TMEM132D: variants seen among roughly 807,000 people sequenced by gnomAD.
The protein encoded by TMEM132D is transmembrane protein 132D, also known as mature OL transmembrane protein.
Under a neutral mutation model 62.3 loss-of-function variants are expected in TMEM132D, and 21 were observed. That is an observed-to-expected ratio of 0.34 (90% CI 0.24 to 0.49). The LOEUF (loss-of-function observed/expected upper bound fraction) is 0.49, where lower values mean the gene tolerates loss of function less well. Among genes scored for constraint, TMEM132D ranks in the 20% least tolerant of loss-of-function variants. The pLI, the probability that TMEM132D is intolerant of heterozygous loss-of-function variation, is 0.99. For synonymous variants in TMEM132D, 621 were observed against 575.6 expected (o/e 1.08, Z -1.13); for missense variants, 1,346 against 1,402.8 (o/e 0.96, Z 0.65).
chr12:129,216,883 GC>G (rs1383138699), intron 4 of TMEM132D, among the ~76,000 whole-genome samples: 8 of 152,164 alleles, frequency 5.3e-5, no homozygotes, highest in Non-Finnish European at 1.0e-4. Flanking sequence ...CTTAACTGAT[GC>G]AACCTGAAAG....
At chr12:129,647,999 A>G (rs1336098013) in intron 2 of TMEM132D, among the ~76,000 whole-genome samples, 2 of 152,188 alleles carry the variant, frequency 1.3e-5, no homozygotes, top group African/African-American at 4.8e-5. Flanking sequence ...AAAGATGATA[A>G]TAACCCCTCC....
chr12:129,265,236 G>A (rs1057312166), intron 4 of TMEM132D, among the ~76,000 whole-genome samples: 4 of 152,172 alleles, frequency 2.6e-5, no homozygotes, highest in African/African-American at 9.7e-5. Flanking sequence ...CTGGAGCTGG[G>A]AAACAGAGTT....
chr12:129,705,821 C>T (rs2137231969), intron 1 of TMEM132D, among the ~76,000 whole-genome samples: 1 of 152,006 alleles, frequency 6.6e-6, no homozygotes, highest in South Asian at 2.1e-4. Context: ...ATTCAGAATC[C>T]AAACACTATA....
intron 1 of TMEM132D, among the ~76,000 whole-genome samples, chr12:129,901,978 CTG>C (rs1480873978): frequency 6.6e-6 from 1 of 152,024 alleles, no homozygotes; most frequent in Admixed American, 6.6e-5. Context: ...CTTTGGTTTC[CTG>C]TGCACATTAT....
chr12:129,251,502 G>A (rs184817997), intron 4 of TMEM132D, among the ~76,000 whole-genome samples: 12 of 152,012 alleles, frequency 7.9e-5, no homozygotes, highest in African/African-American at 2.4e-4. Flanking sequence ...AAGTGTTCCT[G>A]TTTGCCTGCA....
At chr12:129,813,072 C>T (rs1002566304) in intron 1 of TMEM132D, among the ~76,000 whole-genome samples, 1 of 151,892 alleles carries the variant, frequency 6.6e-6, no homozygotes, top group African/African-American at 2.4e-5. Flanking sequence ...CTGCTCAAAG[C>T]AGAAATAGTT....
At chr12:129,760,199 G>A (rs1870306671) in intron 1 of TMEM132D, among the ~76,000 whole-genome samples, 1 of 151,914 alleles carries the variant, frequency 6.6e-6, no homozygotes. Flanking sequence ...GAGCCACTGT[G>A]CCCAGCCCAT....
At chr12:129,217,633 T>A (rs10773615) in intron 4 of TMEM132D, among the ~76,000 whole-genome samples, 1 of 152,016 alleles carries the variant, frequency 6.6e-6, no homozygotes, top group East Asian at 1.9e-4. Context: ...CTTAACTCTG[T>A]GTGAGGCACA....
chr12:129,597,057 A>C (rs909635663), intron 2 of TMEM132D, among the ~76,000 whole-genome samples: 2 of 152,076 alleles, frequency 1.3e-5, no homozygotes, highest in Non-Finnish European at 2.9e-5. Context: ...ACACATTTTT[A>C]TTTTTAAAGG....
chr12:129,305,232 C>T (rs772065468), intron 4 of TMEM132D, among the ~76,000 whole-genome samples: 25 of 152,148 alleles, frequency 1.6e-4, no homozygotes, highest in Non-Finnish European at 3.4e-4. Flanking sequence ...GACAAATGAA[C>T]ACAAACTTCA....
intron 2 of TMEM132D, among the ~76,000 whole-genome samples, chr12:129,574,613 C>T (rs2137121813): frequency 6.6e-6 from 1 of 151,854 alleles, no homozygotes; most frequent in African/African-American, 2.4e-5. Context: ...GTTATGAATG[C>T]CCTTCTGAGT....
At chr12:129,227,269 A>G (rs1417578221) in intron 4 of TMEM132D, among the ~76,000 whole-genome samples, 1 of 142,774 alleles carries the variant, frequency 7.0e-6, no homozygotes, top group Non-Finnish European at 1.5e-5. Context: ...TTGATCCACT[A>G]AGAAAATCTG....
intron 2 of TMEM132D, among the ~76,000 whole-genome samples, chr12:129,549,499 GT>G (rs1272607303): frequency 6.6e-6 from 1 of 152,192 alleles, no homozygotes; most frequent in East Asian, 1.9e-4. Context: ...CTTTGGCTTG[GT>G]TCTCATTCTT....
At chr12:129,101,458 A>C (rs948274224) in intron 5 of TMEM132D, among the ~76,000 whole-genome samples, 3 of 152,128 alleles carry the variant, frequency 2.0e-5, no homozygotes, top group Non-Finnish European at 4.4e-5. Flanking sequence ...TGCCACCAGC[A>C]CTTGAATTTG....
intron 3 of TMEM132D, among the ~76,000 whole-genome samples, chr12:129,451,983 T>C (rs1404334767): frequency 3.9e-5 from 6 of 152,198 alleles, no homozygotes; most frequent in Non-Finnish European, 7.3e-5. Context: ...CAATCTGCCA[T>C]AGAGACATAA....
chr12:129,613,535 CTTG>C (rs1878833586), intron 2 of TMEM132D, among the ~76,000 whole-genome samples: 1 of 152,216 alleles, frequency 6.6e-6, no homozygotes, highest in African/African-American at 2.4e-5. Context: ...CACATCGCTG[CTTG>C]ACAGAACTCA....
chr12:129,461,637 C>T (rs1477748159), intron 3 of TMEM132D, among the ~76,000 whole-genome samples: 1 of 150,282 alleles, frequency 6.7e-6, no homozygotes, highest in Non-Finnish European at 1.5e-5. Flanking sequence ...TGAGTGAGCT[C>T]AGCTAAGAGA....
intron 3 of TMEM132D, among the ~76,000 whole-genome samples, chr12:129,518,953 A>G (rs1365793010): frequency 6.6e-6 from 1 of 152,192 alleles, no homozygotes; most frequent in Non-Finnish European, 1.5e-5. Flanking sequence ...TCTCTTTTCT[A>G]CATAGGAAGT....
At chr12:129,102,457 A>T (rs1875341792) in intron 5 of TMEM132D, among the ~76,000 whole-genome samples, 1 of 151,586 alleles carries the variant, frequency 6.6e-6, no homozygotes, top group Non-Finnish European at 1.5e-5. Flanking sequence ...ACATGCAGGC[A>T]CATGCATACA....
Sources: gnomAD v4.1 joint callset for allele counts (sites outside exome capture counted in the v4.1 genomes callset) on GRCh38, gnomAD v4.1.1 for gene constraint, MANE v1.5 for transcripts, NCBI Gene and HGNC (gene_info 2026-07-23, HGNC 2026-07-21) for gene names.